EYS: variants seen among roughly 807,000 people sequenced by gnomAD.
EYS encodes the protein protein eyes shut homolog.
Under a neutral mutation model 282.1 loss-of-function variants are expected in EYS, and 250 were observed. The ratio of observed to expected loss-of-function variants is 0.89; its 90% CI spans 0.80 to 0.98. The LOEUF is 0.98. EYS is among the 50% of genes least tolerant of loss of function. The pLI is 0.00. For synonymous variants in EYS, 1,355 were observed against 1,282.9 expected (o/e 1.06, Z -1.20); for missense variants, 4,016 against 3,709.0 (o/e 1.08, Z -2.15).
chr6:64,270,903 T>TA (rs202063994), intron 30 of EYS, among the ~76,000 whole-genome samples: 1 of 152,166 alleles, frequency 6.6e-6, no homozygotes, highest in African/African-American at 2.4e-5. Flanking sequence ...TTATAACTTA[T>TA]AAAAAATGGT....
At chr6:64,674,172 C>T (rs1769568536) in intron 22 of EYS, among the ~76,000 whole-genome samples, 1 of 152,000 alleles carries the variant, frequency 6.6e-6, no homozygotes, top group African/African-American at 2.4e-5. Context: ...TAGATCTTAT[C>T]ATAAATTTAT....
At chr6:64,460,342 G>A (rs1234077778) in intron 26 of EYS, among the ~76,000 whole-genome samples, 1 of 152,194 alleles carries the variant, frequency 6.6e-6, no homozygotes, top group African/African-American at 2.4e-5. Flanking sequence ...GATCACTGAT[G>A]TGTGTTGTTT....
intron 4 of EYS, chr6:65,491,410 C>A: frequency 3.2e-6 from 1 of 311,796 alleles, no homozygotes; most frequent in Non-Finnish European, 6.4e-6. Context: ...TGGACAAATG[C>A]TGTTACAAAC....
intron 31 of EYS, among the ~76,000 whole-genome samples, chr6:64,125,132 A>AACAC (rs150010184): frequency 0.011 from 1,641 of 145,636 alleles, 42 homozygotes; most frequent in African/African-American, 0.042. Flanking sequence ...GATGATGTCA[A>AACAC]ACACACACAC....
intron 2 of EYS, among the ~76,000 whole-genome samples, chr6:65,617,044 A>G (rs1266785563): frequency 6.6e-6 from 1 of 152,178 alleles, no homozygotes; most frequent in Non-Finnish European, 1.5e-5. Context: ...ACATTAGGAC[A>G]TGGATTTTTA....
chr6:65,703,943 C>T (rs1769775024), intron 1 of EYS, among the ~76,000 whole-genome samples: 1 of 152,060 alleles, frequency 6.6e-6, no homozygotes, highest in Admixed American at 6.6e-5. Context: ...CTGTTAAACA[C>T]AGTATTAACA....
At chr6:64,275,772 G>C (rs922372186) in intron 30 of EYS, among the ~76,000 whole-genome samples, 3 of 149,288 alleles carry the variant, frequency 2.0e-5, no homozygotes, top group Non-Finnish European at 4.4e-5. Flanking sequence ...TGACTAACAC[G>C]GTGAAACCCT....
At chr6:65,409,105 A>G (rs1008706466) in intron 5 of EYS, among the ~76,000 whole-genome samples, 1 of 152,160 alleles carries the variant, frequency 6.6e-6, no homozygotes, top group African/African-American at 2.4e-5. Flanking sequence ...AGATTTATTA[A>G]GACTAATTTT....
rs182989635 is a variant in EYS, at chr6:65,190,880, T to A, written c.2023+104983A>T. Among the ~76,000 whole-genome samples, 10 of 151,936 alleles carry A rather than the reference T, an allele frequency of 6.6e-5. No individual in the cohort carries two copies. The East Asian group carries it at 1.9e-3, about 30-fold the overall frequency. On this transcript the variant is annotated intron_variant, in intron 12 of 42. Transcript: ENST00000503581. ...CATGATAACATGTAGGTGTGGGTTA[T>A]TACTAATACAAAAATTCTAGGAACT...
intron 35 of EYS, among the ~76,000 whole-genome samples, chr6:63,954,796 C>T (rs906837259): frequency 6.6e-6 from 1 of 152,318 alleles, no homozygotes; most frequent in East Asian, 1.9e-4. Flanking sequence ...TCCTTCCCAC[C>T]TCACAGGCCT....
intron 22 of EYS, among the ~76,000 whole-genome samples, chr6:64,684,021 A>C (rs1769995652): frequency 6.6e-6 from 1 of 152,138 alleles, no homozygotes; most frequent in South Asian, 2.1e-4. Flanking sequence ...TTGTTCAATA[A>C]ACCTGTGTTG....
chr6:64,009,434 C>A (rs1415564071), intron 33 of EYS, among the ~76,000 whole-genome samples: 2 of 141,032 alleles, frequency 1.4e-5, no homozygotes, highest in Non-Finnish European at 3.1e-5. Flanking sequence ...CAGGCACCCA[C>A]CACCACGCAA....
intron 13 of EYS, among the ~76,000 whole-genome samples, chr6:65,031,972 C>T (rs991963133): frequency 4.0e-5 from 6 of 151,890 alleles, no homozygotes; most frequent in African/African-American, 1.2e-4. Context: ...ATTCATAATA[C>T]ACTAATTAGA....
chr6:64,613,884 C>G (rs954576014), intron 24 of EYS, among the ~76,000 whole-genome samples: 1 of 152,148 alleles, frequency 6.6e-6, no homozygotes, highest in Non-Finnish European at 1.5e-5. Flanking sequence ...TTCTGTTCCT[C>G]TTAACAAGGC....
chr6:64,743,780 A>C (rs1772454932), intron 22 of EYS, among the ~76,000 whole-genome samples: 1 of 152,152 alleles, frequency 6.6e-6, no homozygotes, highest in Non-Finnish European at 1.5e-5. Flanking sequence ...TAGAATTGTT[A>C]CAAAAAGTGT....
At chr6:65,218,242 T>A (rs1206988850) in intron 12 of EYS, among the ~76,000 whole-genome samples, 1 of 152,120 alleles carries the variant, frequency 6.6e-6, no homozygotes, top group East Asian at 1.9e-4. Flanking sequence ...TATTTCTGAC[T>A]TTTGTATTTA....
intron 35 of EYS, among the ~76,000 whole-genome samples, chr6:63,903,256 A>G (rs138386279): frequency 6.6e-6 from 1 of 152,296 alleles, no homozygotes; most frequent in Non-Finnish European, 1.5e-5. Flanking sequence ...AAGAAAAAAT[A>G]TCCTTCACGC....
chr6:64,703,526 G>A (rs948117741), intron 22 of EYS, among the ~76,000 whole-genome samples: 3 of 144,282 alleles, frequency 2.1e-5, no homozygotes, highest in Non-Finnish European at 4.5e-5. Context: ...TCCACCTCCC[G>A]GGTTCAAGTG....
chr6:64,780,697 A>C (rs1773832026), intron 22 of EYS, among the ~76,000 whole-genome samples: 1 of 152,214 alleles, frequency 6.6e-6, no homozygotes, highest in South Asian at 2.1e-4. Flanking sequence ...AATGAAAGGC[A>C]AAAAATAAAT....
Sources: gnomAD v4.1 joint callset for allele counts (sites outside exome capture counted in the v4.1 genomes callset) on GRCh38, gnomAD v4.1.1 for gene constraint, MANE v1.5 for transcripts, NCBI Gene and HGNC (gene_info 2026-07-23, HGNC 2026-07-21) for gene names.